MICAL2: variants seen among roughly 807,000 people sequenced by gnomAD.
The protein encoded by MICAL2 is microtubule associated monooxygenase, calponin and LIM domain containing 2.
In MICAL2, 77 loss-of-function variants were observed where a neutral mutation model predicts 127.3. The observed-to-expected ratio is 0.60, with a 90% confidence interval of 0.50 to 0.73. The LOEUF is 0.73. MICAL2 is among the 30% of genes least tolerant of loss of function. MICAL2 has a pLI of 0.00. For synonymous variants in MICAL2, 570 were observed against 551.1 expected (o/e 1.03, Z -0.48); for missense variants, 1,351 against 1,434.4 (o/e 0.94, Z 0.94).
chr11:12,346,488 T>G (rs2134892273), intron 32 of MICAL2, among the ~76,000 whole-genome samples: 1 of 152,350 alleles, frequency 6.6e-6, no homozygotes, highest in Non-Finnish European at 1.5e-5. Context: ...TTCTATGTTC[T>G]ATATGATCTC....
intron 3 of MICAL2, among the ~76,000 whole-genome samples, chr11:12,188,426 T>C (rs181085957): frequency 8.9e-4 from 135 of 152,334 alleles, no homozygotes; most frequent in Non-Finnish European, 1.5e-3. Flanking sequence ...GACTTTTTTT[T>C]ATTGTCATGC....
At chr11:12,165,697 C>T (rs1048011380) in intron 3 of MICAL2, among the ~76,000 whole-genome samples, 7 of 152,222 alleles carry the variant, frequency 4.6e-5, no homozygotes, top group Admixed American at 3.9e-4. Flanking sequence ...CTCCTGCCTC[C>T]GTGCCACCAT....
At chr11:12,178,040 G>C (rs1053225244) in intron 3 of MICAL2, among the ~76,000 whole-genome samples, 6 of 152,244 alleles carry the variant, frequency 3.9e-5, no homozygotes, top group Non-Finnish European at 7.3e-5. Flanking sequence ...GCTTCAGGAT[G>C]AAGGCTGCTG....
At chr11:12,248,598 A>G (rs557365854) in intron 21 of MICAL2, among the ~76,000 whole-genome samples, 1 of 152,378 alleles carries the variant, frequency 6.6e-6, no homozygotes, top group African/African-American at 2.4e-5. Context: ...CTCCAGGGTC[A>G]GAAGAGCACT....
At chr11:12,157,645 T>C (rs894910849) in intron 2 of MICAL2, among the ~76,000 whole-genome samples, 11 of 151,956 alleles carry the variant, frequency 7.2e-5, no homozygotes, top group African/African-American at 2.7e-4. Flanking sequence ...AACAGCTGGG[T>C]GGTGGTTAAC....
chr11:12,260,197 T>A, intron 26 of MICAL2: 1 of 1,476,560 alleles, frequency 6.8e-7, no homozygotes, highest in Non-Finnish European at 9.0e-7. Flanking sequence ...CCAAAGTGCC[T>A]TCACATTTCC....
At position 12,122,011 on chromosome 11, in the gene MICAL2, T is replaced by G. The variant is rs577909399; in HGVS notation, c.-149+11285T>G. Among the ~76,000 whole-genome samples, 4 of 152,368 alleles carry G rather than the reference T, an allele frequency of 2.6e-5. No individual in the cohort carries two copies. The South Asian group carries it at 8.3e-4, about 32-fold the overall frequency. On this transcript the variant is annotated intron_variant, in intron 1 of 27. Coordinates refer to ENST00000683283, the MANE Select transcript of MICAL2 (RefSeq NM_001282663.2). ...TATGAGAACAAGCTGATTTGTTCAC[T>G]GATTGATAAATTGATTGCTCAGTGC...
intron 3 of MICAL2, 62 bp from the exon 4 acceptor site, chr11:12,204,188 G>T (rs891649049): frequency 2.0e-6 from 3 of 1,502,982 alleles, no homozygotes; most frequent in Admixed American, 3.4e-5. Context: ...CCTGCTGACT[G>T]GGGGTTCGTG....
In MICAL2 at chr11:12,260,589, G is replaced by A. The variant is rs914926206; in HGVS notation, c.3334+692G>A. 13 of 991,074 alleles carry A rather than the reference G, an allele frequency of 1.3e-5. No homozygotes were observed. In the East Asian group the frequency reaches 5.6e-4, roughly 42 times the overall value. 61.4% of individuals were successfully genotyped at this position (991,074 alleles called of 1,614,324 possible). ...AAGTGGATGATTTAAGATTTTACAC[G>A]CATGAAAATGAGTGTGCCATCTCCT... On this transcript the variant is annotated intron_variant, in intron 26 of 27. Coordinates refer to ENST00000683283, the MANE Select transcript of MICAL2 (RefSeq NM_001282663.2).
chr11:12,329,899 G>T (rs1453878968), intron 32 of MICAL2, among the ~76,000 whole-genome samples: 3 of 149,822 alleles, frequency 2.0e-5, no homozygotes, highest in Non-Finnish European at 4.4e-5. Context: ...GAGAGAGCTA[G>T]TTTGAGTTAT....
intron 32 of MICAL2, among the ~76,000 whole-genome samples, chr11:12,348,181 G>C (rs1938987524): frequency 7.2e-6 from 1 of 137,946 alleles, no homozygotes; most frequent in African/African-American, 2.7e-5. Context: ...AAAAGGCATA[G>C]TATTTGCATA....
chr11:12,234,913 G>A (rs750172200), intron 15 of MICAL2, among the ~76,000 whole-genome samples: 1 of 152,194 alleles, frequency 6.6e-6, no homozygotes, highest in Non-Finnish European at 1.5e-5. Flanking sequence ...TTTGAGGTGA[G>A]CAGGTGGCCT....
At chr11:12,294,236 C>A (rs762550509), downstream of MICAL2, 1 of 1,614,168 alleles carries the variant, frequency 6.2e-7, no homozygotes, top group Non-Finnish European at 8.5e-7. Flanking sequence ...ACCCAAGTCC[C>A]CACTGCGGCT....
At chr11:12,305,795 T>C (rs2134813475) in intron 29 of MICAL2, among the ~76,000 whole-genome samples, 1 of 152,322 alleles carries the variant, frequency 6.6e-6, no homozygotes, top group East Asian at 1.9e-4. Context: ...GGTCTTCAAT[T>C]TTTCTTAATG....
intron 1 of MICAL2, among the ~76,000 whole-genome samples, chr11:12,115,843 G>A (rs1849969185): frequency 6.6e-6 from 1 of 152,090 alleles, no homozygotes; most frequent in African/African-American, 2.4e-5. Context: ...AGAATTATAC[G>A]TGTATTTGGA....
chr11:12,326,571 T>C (rs1308420496), intron 31 of MICAL2, among the ~76,000 whole-genome samples: 1 of 152,162 alleles, frequency 6.6e-6, no homozygotes, highest in African/African-American at 2.4e-5. Context: ...AAAGGCACAG[T>C]ACACTTCCAC....
At chr11:12,280,891 C>T in intron 1 of MICAL2, 1 of 398,890 alleles carries the variant, frequency 2.5e-6, no homozygotes, top group African/African-American at 2.1e-5. Context: ...GGCATGGGTT[C>T]CAGGCCCCCT....
At chr11:12,339,511 A>G (rs1049979935) in intron 32 of MICAL2, among the ~76,000 whole-genome samples, 2 of 152,150 alleles carry the variant, frequency 1.3e-5, no homozygotes, top group Non-Finnish European at 2.9e-5. Context: ...CCTTTGGATG[A>G]GGAAAGGCAC....
At chr11:12,156,628 T>G (rs539333106) in intron 2 of MICAL2, among the ~76,000 whole-genome samples, 1 of 152,166 alleles carries the variant, frequency 6.6e-6, no homozygotes, top group African/African-American at 2.4e-5. Flanking sequence ...GGGTGCCTAG[T>G]GCCCTGGTAG....
Sources: allele counts gnomAD v4.1 joint callset (sites outside exome capture counted in the v4.1 genomes callset), GRCh38; gene constraint gnomAD v4.1.1; transcripts MANE v1.5; gene names NCBI Gene and HGNC (gene_info 2026-07-23, HGNC 2026-07-21).